Variants in CTCFL observed in about 807,000 individuals in gnomAD.
CTCFL encodes the protein CCCTC-binding factor like.
A neutral mutation model predicts 67.4 loss-of-function variants in CTCFL; 36 were observed. The observed-to-expected ratio is 0.53, with a 90% CI of 0.41 to 0.71. The LOEUF is 0.71. CTCFL is among the 30% of genes least tolerant of loss of function. The pLI is 0.00. For missense variants in CTCFL, 786 were observed against 835.2 expected (o/e 0.94, Z 0.73); for synonymous variants, 324 against 302.3 (o/e 1.07, Z -0.75).
chr20:57,514,423 G>C (rs6128061), intron 7 of CTCFL, among the ~76,000 whole-genome samples, 169 bp downstream of exon 7: 38,762 of 152,098 alleles, frequency 0.25, 5,436 homozygotes, highest in East Asian at 0.37. Flanking sequence ...CTTATGAGAT[G>C]CAGCCACCAG....
chr20:57,519,563 T>C (rs1198480224), intron 3 of CTCFL, among the ~76,000 whole-genome samples, 186 bp from the exon 4 acceptor site: 1 of 152,240 alleles, frequency 6.6e-6, no homozygotes, highest in Non-Finnish European at 1.5e-5. Context: ...CAATGCATTT[T>C]CGCTGTTTCA....
At chr20:57,524,259 G>C (rs1315596355) in intron 1 of CTCFL, 43 bp from the exon 2 acceptor site, 1 of 1,561,960 alleles carries the variant, frequency 6.4e-7, no homozygotes. Context: ...GGGGGAGAAG[G>C]GGGTGGTATG....
In CTCFL at chr20:57,521,942, C is replaced by T. The variant is rs574755859; in HGVS notation, c.754+1126G>A. ...CTAGGAGGAACAGAGTAGGAAGTGA[C>T]TGCCTAATCGGTACAGGCCTCTTAT... On this transcript the variant is annotated intron_variant, in intron 3 of 10. Transcript: ENST00000243914. 3.3e-5 allele frequency among the ~76,000 whole-genome samples: 5 copies of T among 152,328 alleles called. No homozygotes were observed. In the South Asian group the frequency reaches 1.0e-3, roughly 32 times the overall value.
At chr20:57,522,510 G>A (rs554156316) in intron 3 of CTCFL, among the ~76,000 whole-genome samples, 1 of 152,116 alleles carries the variant, frequency 6.6e-6, no homozygotes, top group South Asian at 2.1e-4. Flanking sequence ...CCACCTCTCT[G>A]AGCACCCACC....
intron 10 of CTCFL, among the ~76,000 whole-genome samples, chr20:57,501,951 C>T (rs907171854): frequency 6.6e-6 from 1 of 152,228 alleles, no homozygotes; most frequent in African/African-American, 2.4e-5. Context: ...GACAGTGCCC[C>T]CTGCAGAGGC....
At chr20:57,522,967 T>C in intron 3 of CTCFL, 101 bp downstream of exon 3, 1 of 902,882 alleles carries the variant, frequency 1.1e-6, no homozygotes, top group Non-Finnish European at 1.7e-6. Flanking sequence ...ATTTTGAAAG[T>C]AAAAGTCAAC....
At chr20:57,517,409 T>C (rs1468311453) in intron 5 of CTCFL, among the ~76,000 whole-genome samples, 1 of 151,704 alleles carries the variant, frequency 6.6e-6, no homozygotes, top group African/African-American at 2.4e-5. Context: ...CCTGAGTAGC[T>C]AGGACTACAG....
intron 3 of CTCFL, among the ~76,000 whole-genome samples, chr20:57,522,815 T>C (rs1164143805): frequency 6.6e-6 from 1 of 152,224 alleles, no homozygotes; most frequent in Non-Finnish European, 1.5e-5. Context: ...GACCAGGGCT[T>C]GGTCTTCTAT....
chr20:57,506,106 G>A (rs1472452077), intron 9 of CTCFL, among the ~76,000 whole-genome samples: 1 of 152,192 alleles, frequency 6.6e-6, no homozygotes, highest in African/African-American at 2.4e-5. Flanking sequence ...CCAACTGTTT[G>A]TGAAAGCAAG....
At chr20:57,502,932 A>C (rs8115358) in intron 10 of CTCFL, among the ~76,000 whole-genome samples, 35,706 of 152,122 alleles carry the variant, frequency 0.23, 4,807 homozygotes, top group South Asian at 0.36. Flanking sequence ...GAGAGGAGAG[A>C]GCTAGGAAAA....
chr20:57,511,589 C>A lies in CTCFL; in HGVS notation c.1491+1003G>T, dbSNP rs1319374177. Among the ~76,000 whole-genome samples the A allele has an allele frequency of 3.4e-5, 4 of 117,676 alleles. No individual in the cohort carries two copies. The East Asian group carries it at 7.8e-4, about 23-fold the overall frequency. The allele number at this position is 117,676 out of a possible 152,430, so 77.2% of individuals were successfully genotyped here. ...GTTGCTTTAAAAAAATCACTCTAAT[C>A]CCCCCCCTTTTTTTTTTTTTGAGAT... On this transcript the variant is annotated intron_variant, in intron 8 of 10. Coordinates refer to ENST00000243914, the MANE Select transcript of CTCFL (RefSeq NM_001386993.1).
intron 9 of CTCFL, among the ~76,000 whole-genome samples, chr20:57,504,432 A>G (rs2068089017): frequency 6.6e-6 from 1 of 151,594 alleles, no homozygotes; most frequent in African/African-American, 2.4e-5. Context: ...GGCGAGTGCC[A>G]CCACACCCAG....
At chr20:57,506,835 A>C (rs934521365) in intron 9 of CTCFL, 2 of 985,012 alleles carry the variant, frequency 2.0e-6, no homozygotes, top group Non-Finnish European at 2.4e-6. Context: ...AACTCTTCAC[A>C]ATTTTTGCAT....
intron 3 of CTCFL, among the ~76,000 whole-genome samples, chr20:57,521,915 G>C (rs1027596809): frequency 6.6e-6 from 1 of 152,164 alleles, no homozygotes; most frequent in African/African-American, 2.4e-5. Flanking sequence ...GGTAGCCAGG[G>C]GCTAGGAGGA....
intron 7 of CTCFL, chr20:57,513,436 A>G (rs139787868): frequency 0.012 from 11,939 of 989,354 alleles, 127 homozygotes; most frequent in East Asian, 0.082. Context: ...AGTGACTCAG[A>G]CATTTAGAGA....
intron 9 of CTCFL, 31 bp from the exon 10 acceptor site, chr20:57,503,632 G>T: frequency 1.2e-6 from 2 of 1,612,064 alleles, no homozygotes; most frequent in Non-Finnish European, 1.7e-6. Context: ...AACACACAAG[G>T]CGAGTGAGAT....
chr20:57,498,749 T>A (rs574442614), intron 10 of CTCFL, 48 bp from the exon 11 acceptor site: 3 of 1,538,120 alleles, frequency 2.0e-6, no homozygotes, highest in Non-Finnish European at 2.7e-6. Flanking sequence ...AGCTAAGGAA[T>A]TGGAATTTAT....
intron 8 of CTCFL, among the ~76,000 whole-genome samples, chr20:57,510,369 AAAAC>A (rs1269329247): frequency 9.2e-5 from 14 of 152,254 alleles, no homozygotes; most frequent in Non-Finnish European, 1.6e-4. Flanking sequence ...TTTAAAAATA[AAAAC>A]AAACCAACTA....
At chr20:57,524,523 G>A (rs1409067911) in intron 1 of CTCFL, 1 of 1,151,922 alleles carries the variant, frequency 8.7e-7, no homozygotes, top group Non-Finnish European at 1.1e-6. Context: ...AGCACACTCT[G>A]GCCCAGTGCA....
Sources: gnomAD v4.1 joint callset for allele counts (sites outside exome capture counted in the v4.1 genomes callset) on GRCh38, gnomAD v4.1.1 for gene constraint, MANE v1.5 for transcripts, NCBI Gene and HGNC (gene_info 2026-07-23, HGNC 2026-07-21) for gene names.